Variants in XXYLT1 observed in about 807,000 individuals in gnomAD.
The protein encoded by XXYLT1 is UDP-xylose:alpha-xyloside alpha-1,3-xylosyltransferase.
Under a neutral mutation model 28.9 loss-of-function variants are expected in XXYLT1, and 20 were observed. The ratio of observed to expected loss-of-function variants is 0.69; its 90% CI spans 0.49 to 1.00. XXYLT1 has a LOEUF of 1.00. XXYLT1 is among the 50% of genes least tolerant of loss of function. XXYLT1 has a pLI of 0.00. For synonymous variants in XXYLT1, 257 were observed against 253.8 expected, an observed-to-expected ratio of 1.01 and a Z score of -0.12; for missense variants, 542 against 560.1, an observed-to-expected ratio of 0.97 and a Z score of 0.33.
chr3:195,204,692 G>A (rs574012120), intron 2 of XXYLT1, among the ~76,000 whole-genome samples: 3 of 152,274 alleles, frequency 2.0e-5, no homozygotes, highest in Admixed American at 6.5e-5. Flanking sequence ...CCCACAACCC[G>A]CAATGTGCTG....
chr3:195,264,728 A>C (rs566652116), intron 1 of XXYLT1, among the ~76,000 whole-genome samples: 1 of 152,332 alleles, frequency 6.6e-6, no homozygotes, highest in East Asian at 1.9e-4. Flanking sequence ...GCACTTAACA[A>C]CACCCTATGA....
At chr3:195,247,943 C>T (rs940964513) in intron 1 of XXYLT1, 9 of 587,624 alleles carry the variant, frequency 1.5e-5, no homozygotes, top group Non-Finnish European at 2.8e-5. Flanking sequence ...GAGGAAGTCC[C>T]GCCCCTGTGG....
chr3:195,172,221 G>T (rs1721442001), intron 2 of XXYLT1, among the ~76,000 whole-genome samples: 1 of 152,176 alleles, frequency 6.6e-6, no homozygotes, highest in Non-Finnish European at 1.5e-5. Context: ...CTTTTCAAAA[G>T]AAAAACCTGG....
At chr3:195,135,239 C>T (rs1219823901) in intron 3 of XXYLT1, among the ~76,000 whole-genome samples, 1 of 152,148 alleles carries the variant, frequency 6.6e-6, no homozygotes, top group Non-Finnish European at 1.5e-5. Context: ...CCCTCCCATT[C>T]CCAGAATTCT....
intron 3 of XXYLT1, among the ~76,000 whole-genome samples, chr3:195,155,290 C>T (rs779498818): frequency 5.3e-5 from 8 of 152,302 alleles, no homozygotes; most frequent in Non-Finnish European, 8.8e-5. Context: ...AGCTCTCCAA[C>T]GACTGGGCCT....
At chr3:195,196,890 A>T (rs1722647359) in intron 2 of XXYLT1, among the ~76,000 whole-genome samples, 1 of 152,152 alleles carries the variant, frequency 6.6e-6, no homozygotes, top group Non-Finnish European at 1.5e-5. Context: ...AAAGTAGCAC[A>T]TTTGAGGACA....
intron 2 of XXYLT1, among the ~76,000 whole-genome samples, chr3:195,192,558 A>G (rs933266791): frequency 6.6e-6 from 1 of 152,246 alleles, no homozygotes; most frequent in African/African-American, 2.4e-5. Context: ...ATCTATCAAT[A>G]CAAAAAGAAT....
intron 2 of XXYLT1, among the ~76,000 whole-genome samples, chr3:195,208,755 G>A (rs1723182409): frequency 6.6e-6 from 1 of 152,178 alleles, no homozygotes; most frequent in Admixed American, 6.5e-5. Context: ...GAGCTGAGCT[G>A]CATGAGTCCC....
chr3:195,087,577 G>A (rs903819571), intron 3 of XXYLT1, among the ~76,000 whole-genome samples: 2 of 152,220 alleles, frequency 1.3e-5, no homozygotes, highest in Admixed American at 6.5e-5. Context: ...ACTGGGGCCT[G>A]GGCTTACCCA....
At chr3:195,146,197 C>T (rs368394266) in intron 3 of XXYLT1, among the ~76,000 whole-genome samples, 7 of 152,342 alleles carry the variant, frequency 4.6e-5, no homozygotes, top group East Asian at 1.9e-4. Flanking sequence ...GGGCTGGTCA[C>T]GCTCAGCTCA....
chr3:195,137,448 C>T (rs1481110158), intron 3 of XXYLT1, among the ~76,000 whole-genome samples: 1 of 152,164 alleles, frequency 6.6e-6, no homozygotes. Context: ...CCATGTTTTC[C>T]CACATGGGTA....
At chr3:195,247,840 T>C in intron 1 of XXYLT1, 1 of 702,516 alleles carries the variant, frequency 1.4e-6, no homozygotes, top group Non-Finnish European at 2.6e-6. Context: ...CTCACCATAG[T>C]GCAGCAGGAC....
intron 3 of XXYLT1, chr3:195,094,103 GA>G (rs1195924317): frequency 6.5e-6 from 1 of 153,056 alleles, no homozygotes; most frequent in Non-Finnish European, 1.5e-5. Flanking sequence ...CATGAAACAT[GA>G]AATTCACAGC....
In XXYLT1 at chr3:195,076,333, C is replaced by T. The variant is rs1715116552; in HGVS notation, c.786-6222G>A. Among the ~76,000 whole-genome samples, 1 of 150,268 alleles carries T rather than the reference C, an allele frequency of 6.7e-6. No individual in the cohort carries two copies. The highest frequency in any genetic ancestry group is 6.6e-5 in the Admixed American group (1 of 15,198). ...AGAGGAAGAAGCCCGCACGGGGTCA[C>T]GGGGCCGACTGCGGCACAGACATTG... On this transcript the variant is annotated intron_variant, in intron 3 of 3. Transcript: ENST00000310380. The surrounding 1 kb of genome is among the most constrained non-coding windows in gnomAD (Gnocchi z 5.3).
chr3:195,097,701 T>A (rs58904113), intron 3 of XXYLT1, among the ~76,000 whole-genome samples: 2 of 152,110 alleles, frequency 1.3e-5, no homozygotes, highest in African/African-American at 4.8e-5. Flanking sequence ...GCGAGCACCC[T>A]GTGAACAGTC....
At position 195,160,699 on chromosome 3, in the gene XXYLT1, GT is replaced by G. The variant is rs1720825866; in HGVS notation, c.653-4119del. ...AGAGGATCCTGACCCCAGAGGAGTTGTTTTGAGGCCCACGGGACAGGCACGG... is the reference window on the plus strand; with the variant it reads ...AGAGGATCCTGACCCCAGAGGAGTTGTTTGAGGCCCACGGGACAGGCACGG... On this transcript the variant is annotated intron_variant, in intron 2 of 3. Transcript: ENST00000310380. 2.6e-5 allele frequency among the ~76,000 whole-genome samples: 4 copies of G among 152,092 alleles called. No individual in the cohort carries two copies. The South Asian group carries it at 8.5e-4, about 32-fold the overall frequency.
intron 3 of XXYLT1, chr3:195,122,145 G>A (rs1470931327): frequency 2.8e-6 from 2 of 703,010 alleles, no homozygotes; most frequent in Non-Finnish European, 5.2e-6. Flanking sequence ...GTGAAGGGGT[G>A]ACAGAGCTCT....
At chr3:195,238,221 C>T in intron 1 of XXYLT1, among the ~76,000 whole-genome samples, 1 of 152,122 alleles carries the variant, frequency 6.6e-6, no homozygotes, top group East Asian at 1.9e-4. Context: ...ACCTGGATGA[C>T]CTACATCCTT....
At chr3:195,120,757 C>G (rs1718313238) in intron 3 of XXYLT1, among the ~76,000 whole-genome samples, 1 of 152,246 alleles carries the variant, frequency 6.6e-6, no homozygotes, top group Non-Finnish European at 1.5e-5. Flanking sequence ...TGAGCACCGA[C>G]TCTGCGGGGT....
Sources: allele counts gnomAD v4.1 joint callset (sites outside exome capture counted in the v4.1 genomes callset), GRCh38; gene constraint gnomAD v4.1.1; non-coding constraint Gnocchi (gnomAD v3.1); transcripts MANE v1.5; gene names NCBI Gene and HGNC (gene_info 2026-07-23, HGNC 2026-07-21).